CACNA1B: variants seen among roughly 807,000 people sequenced by gnomAD.
The protein encoded by CACNA1B is calcium voltage-gated channel subunit alpha1 B, also known as voltage-dependent N-type calcium channel subunit alpha-1B.
In CACNA1B, 70 loss-of-function variants were observed where a neutral mutation model predicts 247.2. The ratio of observed to expected loss-of-function variants is 0.28; its 90% CI spans 0.23 to 0.35. CACNA1B has a LOEUF of 0.35. Among genes scored for constraint, CACNA1B ranks in the 10% least tolerant of loss-of-function variants. CACNA1B has a pLI of 1.00. For missense variants in CACNA1B, 2,367 were observed against 3,197.4 expected, an observed-to-expected ratio of 0.74 and a Z score of 6.26; for synonymous variants, 1,231 against 1,294.4, an observed-to-expected ratio of 0.95 and a Z score of 1.05.
At chr9:138,030,176 A>G (rs1232512667) in intron 20 of CACNA1B, among the ~76,000 whole-genome samples, 1 of 152,096 alleles carries the variant, frequency 6.6e-6, no homozygotes, top group East Asian at 1.9e-4. Flanking sequence ...TTCATCATTT[A>G]GTATGATATT....
At chr9:138,108,418 G>C (rs1451038844) in intron 39 of CACNA1B, among the ~76,000 whole-genome samples, 1 of 151,778 alleles carries the variant, frequency 6.6e-6, no homozygotes, top group Non-Finnish European at 1.5e-5. Context: ...GGTCCAAATG[G>C]CTTCTTTATT....
intron 39 of CACNA1B, among the ~76,000 whole-genome samples, chr9:138,107,180 C>T (rs952202774): frequency 6.6e-6 from 1 of 152,084 alleles, no homozygotes; most frequent in Non-Finnish European, 1.5e-5. Flanking sequence ...TTCCCTATCT[C>T]AGTCAATGCT....
chr9:138,024,056 G>C (rs1958888750), intron 19 of CACNA1B, among the ~76,000 whole-genome samples: 1 of 152,244 alleles, frequency 6.6e-6, no homozygotes, highest in African/African-American at 2.4e-5. Flanking sequence ...GCTTGGCAGA[G>C]TGTTTGTGCT....
At chr9:137,924,869 G>A (rs569613358) in intron 6 of CACNA1B, among the ~76,000 whole-genome samples, 2 of 152,214 alleles carry the variant, frequency 1.3e-5, no homozygotes, top group Non-Finnish European at 2.9e-5. Flanking sequence ...CCTCACAGGG[G>A]ATGAAAGGAA....
chr9:138,027,138 T>C (rs1214130371), intron 20 of CACNA1B, among the ~76,000 whole-genome samples: 5 of 152,246 alleles, frequency 3.3e-5, no homozygotes, highest in Admixed American at 1.3e-4. Context: ...TGTTGAGTTT[T>C]AGGAGTTCTT....
rs1229572442 is a variant in CACNA1B, at chr9:138,007,863, C to T, written c.2092+979C>T. On this transcript the variant is annotated intron_variant, in intron 16 of 46. Transcript: ENST00000371372. The surrounding 1 kb of genome is among the most constrained non-coding windows in gnomAD (Gnocchi z 4.1). ...TGGCCACTCCACCCCGTCTGTCTGT[C>T]CTCGTCTCTGCCTCACTGGTGCCGG... Among the ~76,000 whole-genome samples, 1 of 152,228 alleles carries T rather than the reference C, an allele frequency of 6.6e-6. No individual in the cohort carries two copies. The highest frequency in any genetic ancestry group is 1.5e-5 in the Non-Finnish European group (1 of 68,038).
chr9:137,915,851 G>A lies in CACNA1B; in HGVS notation c.775+1045G>A, dbSNP rs190884475. On this transcript the variant is annotated intron_variant, in intron 5 of 46. Coordinates refer to ENST00000371372, the MANE Select transcript of CACNA1B (RefSeq NM_000718.4). The stretch of plus-strand genomic sequence containing the variant: ...AAAAAAAAAAAAGAACTGGAAAGGA[G>A]GAGATGAAACTCATTATTCTTAGTC... 2.6e-5 allele frequency among the ~76,000 whole-genome samples: 4 copies of A among 151,750 alleles called. No homozygotes were observed. The East Asian group carries it at 7.7e-4, about 29-fold the overall frequency.
At position 138,054,349 on chromosome 9, in the gene CACNA1B, T is replaced by C. The variant is rs2133495562; in HGVS notation, c.3968+343T>C. 6.6e-6 allele frequency among the ~76,000 whole-genome samples: 1 copy of C among 152,336 alleles called. No homozygotes were observed. Among genetic ancestry groups the C allele is most frequent in the South Asian group, 2.1e-4 (1 of 4,828 alleles). On this transcript the variant is annotated intron_variant, in intron 26 of 46. Coordinates refer to ENST00000371372, the MANE Select transcript of CACNA1B (RefSeq NM_000718.4). The surrounding 1 kb of genome is among the most constrained non-coding windows in gnomAD (Gnocchi z 4.6). Reference sequence around the variant, plus strand: ...TAAGCCCTAGAGATCTTGGCTGGGCTGTAAGGTCAGAGGGGCTGCCCGATG... The same window carrying C: ...TAAGCCCTAGAGATCTTGGCTGGGCCGTAAGGTCAGAGGGGCTGCCCGATG...
chr9:138,025,261 G>T, intron 20 of CACNA1B, 89 bp downstream of exon 20: 1 of 837,714 alleles, frequency 1.2e-6, no homozygotes, highest in East Asian at 2.7e-5. Context: ...CAGCCACTGG[G>T]GACCCAGCCT....
At chr9:138,044,490 A>G (rs571484119) in intron 21 of CACNA1B, among the ~76,000 whole-genome samples, 9 of 152,382 alleles carry the variant, frequency 5.9e-5, no homozygotes, top group African/African-American at 1.9e-4. Flanking sequence ...AGTAAAAGAC[A>G]TAAGATGCAG....
At chr9:137,966,978 TA>T (rs10710861) in intron 10 of CACNA1B, among the ~76,000 whole-genome samples, 45,587 of 147,798 alleles carry the variant, frequency 0.31, 8,844 homozygotes, top group East Asian at 0.63. Context: ...TTTTTTTTTT[TA>T]AAAAAAAAAC....
chr9:138,094,685 T>C (rs748293094), intron 36 of CACNA1B, among the ~76,000 whole-genome samples: 3 of 152,146 alleles, frequency 2.0e-5, no homozygotes, highest in Non-Finnish European at 4.4e-5. Flanking sequence ...TTTCAAAATG[T>C]ACTAGAAAGC....
rs531040171 is a variant in CACNA1B at position 137,880,177 on chromosome 9, G to A, written c.390+1018G>A. 1.7e-4 allele frequency among the ~76,000 whole-genome samples: 26 copies of A among 152,316 alleles called. No individual in the cohort carries two copies. The highest frequency in any genetic ancestry group is 1.0e-3 in the South Asian group (5 of 4,818). On this transcript the variant is annotated intron_variant, in intron 2 of 46. Transcript: ENST00000371372. The surrounding 1 kb of genome is among the most constrained non-coding windows in gnomAD (Gnocchi z 4.8). ...CACCGCAGGCCCAGGAGTGCAGAAG[G>A]GGAGACAGGGAGCCTGTCCTGGAGG...
rs118153842 is a variant in CACNA1B, at chr9:138,099,475, G to A, written c.5222+2864G>A. On this transcript the variant is annotated intron_variant, in intron 37 of 46. Transcript: ENST00000371372. ...TGTGTGCATGTGTGTGCCTGTGGAT[G>A]TGCACATGCCCGTGTGTGCCTGTGG... Among the ~76,000 whole-genome samples, 401 of 152,082 alleles carry A rather than the reference G, an allele frequency of 2.6e-3. 5 individuals carry two copies. In the East Asian group the frequency reaches 0.038, roughly 14 times the overall value.
At position 138,023,331 on chromosome 9, in the gene CACNA1B, C is replaced by T. The variant is rs1958873965; in HGVS notation, c.2588C>T (p.Ala863Val). Residue 863 changes from alanine to valine, a missense_variant, in exon 19 of 47, where the codon GCG becomes GTG. Ala to Val is a moderately conservative substitution (Grantham distance 64). Transcript: ENST00000371372. ...CGCGACAAGGACAAGACCCCCGCGG[C>T]GGGGGACCAGGACCGAGCAGAGGCC... ...RHRDKDKTPAAGDQDRAEAPK... is the reference protein window; with the variant it reads ...RHRDKDKTPAVGDQDRAEAPK... The T allele has an allele frequency of 7.5e-6, 11 of 1,471,272 alleles. No individual in the cohort carries two copies. The highest frequency in any genetic ancestry group is 9.9e-6 in the Non-Finnish European group (11 of 1,114,258). 91.1% of individuals were successfully genotyped at this position (1,471,272 alleles called of 1,614,324 possible). A position where few individuals can be genotyped will look rare whatever the true frequency, so the allele number is the denominator to read the frequency against.
rs1489114361 is a variant in CACNA1B at position 137,954,333 on chromosome 9, ATCTC to A, written c.1071-1358_1071-1355del. Among the ~76,000 whole-genome samples the A allele has an allele frequency of 6.6e-6, 1 of 152,182 alleles. No individual in the cohort carries two copies. Among genetic ancestry groups the A allele is most frequent in the Non-Finnish European group, 1.5e-5 (1 of 68,010 alleles). The stretch of plus-strand genomic sequence containing the variant: ...GGGGCCAGCTTGGGGCCAATTCGGC[ATCTC>A]TCTCTCCATTCCCAGAGCTCCCATC... On this transcript the variant is annotated intron_variant, in intron 7 of 46. Transcript: ENST00000371372. The surrounding 1 kb of genome is among the most constrained non-coding windows in gnomAD (Gnocchi z 4.1).
chr9:138,073,495 T>G lies in CACNA1B; in HGVS notation c.4682T>G (p.Phe1561Cys). The change falls in exon 33 of 47, where the codon TTC (phenylalanine) becomes TGC (cysteine). Residue 1561 changes from phenylalanine (F) to cysteine (C), a missense_variant. Phe to Cys is a radical substitution (Grantham distance 205). Coordinates refer to ENST00000371372, the MANE Select transcript of CACNA1B (RefSeq NM_000718.4). The surrounding 1 kb of genome is among the most constrained non-coding windows in gnomAD (Gnocchi z 6.4). ...AATTCCTCTTCTCTGCAGAACAATT[T>G]CATCAACCTCAGCTTCCTCCGCCTC... The part of the protein sequence containing the change: ...LVTEIAETNN[F>C]INLSFLRLFR... 6.2e-7 allele frequency: 1 copy of G among 1,609,122 alleles called. No individual in the cohort carries two copies.
At position 138,078,022 on chromosome 9, in the gene CACNA1B, A is replaced by C; in HGVS notation, c.4950-92A>C. 5.5e-6 allele frequency: 6 copies of C among 1,099,262 alleles called. No individual in the cohort carries two copies. The South Asian group carries it at 8.8e-5, about 16-fold the overall frequency. 68.1% of individuals were successfully genotyped at this position (1,099,262 alleles called of 1,614,324 possible). A position where few individuals can be genotyped will look rare whatever the true frequency, so the allele number is the denominator to read the frequency against. The stretch of plus-strand genomic sequence containing the variant: ...CATGTGTGAGCTGTCTGTGGGAAGG[A>C]GCCCAAAGGAGTGGGCACGCTTGGT... On this transcript the variant is annotated intron_variant, in intron 35 of 46. Transcript: ENST00000371372.
intron 31 of CACNA1B, chr9:138,068,657 C>A (rs1027381733): frequency 7.7e-6 from 4 of 518,362 alleles, no homozygotes; most frequent in Non-Finnish European, 1.5e-5. Context: ...CATTGAGCTC[C>A]CAGCTGTAAG....
Sources: allele counts gnomAD v4.1 joint callset (sites outside exome capture counted in the v4.1 genomes callset), GRCh38; gene constraint gnomAD v4.1.1; non-coding constraint Gnocchi (gnomAD v3.1); transcripts MANE v1.5; gene names NCBI Gene and HGNC (gene_info 2026-07-23, HGNC 2026-07-21).